Variants in SHLD3 observed in about 807,000 individuals in gnomAD.
SHLD3 encodes shieldin complex subunit 3.
In SHLD3, 15 loss-of-function variants were observed where a neutral mutation model predicts 21.4. The ratio of observed to expected loss-of-function variants is 0.70; its 90% CI spans 0.47 to 1.08. The LOEUF (loss-of-function observed/expected upper bound fraction) is 1.08. SHLD3 is among the 50% of genes least tolerant of loss of function. The pLI, the probability that SHLD3 is intolerant of heterozygous loss-of-function variation, is 0.00. For missense variants in SHLD3, 273 were observed against 286.1 expected, an observed-to-expected ratio of 0.95 and a Z score of 0.33; for synonymous variants, 103 against 97.2, an observed-to-expected ratio of 1.06 and a Z score of -0.35.
chr5:65,628,694 G>A (rs27561), intron 1 of SHLD3, among the ~76,000 whole-genome samples: 32,455 of 151,736 alleles, frequency 0.21, 3,890 homozygotes, highest in Non-Finnish European at 0.27. Flanking sequence ...CTGGTCTCAA[G>A]CTCCTGACCT....
chr5:65,628,152 T>C (rs1442979567), intron 1 of SHLD3, among the ~76,000 whole-genome samples: 2 of 152,202 alleles, frequency 1.3e-5, no homozygotes, highest in African/African-American at 4.8e-5. Context: ...ATGCACCATA[T>C]GCTGGAATTT....
Position 65,630,231 on chromosome 5 carries a change from G to C in SHLD3, c.644G>C (p.Cys215Ser). 1 of 1,535,874 alleles carries C rather than the reference G, an allele frequency of 6.5e-7. No individual in the cohort carries two copies. Reference protein sequence around the residue: ...QRHLGQIWVFCDIMYCEYVGS... With the variant: ...QRHLGQIWVFSDIMYCEYVGS... ...CATTTAGGCCAAATATGGGTGTTCT[G>C]TGATATTATGTATTGTGAATATGTG... Residue 215 changes from cysteine (C) to serine (S), a missense_variant, in exon 2 of 2, where the codon TGT (cysteine) becomes TCT (serine). By Grantham distance (112) the Cys-to-Ser change is moderately radical (BLOSUM62 -1). Coordinates refer to ENST00000510585, the MANE Select transcript of SHLD3 (RefSeq NM_001365341.2).
intron 1 of SHLD3, among the ~76,000 whole-genome samples, chr5:65,628,223 G>A (rs1755339641): frequency 6.6e-6 from 1 of 152,082 alleles, no homozygotes; most frequent in Non-Finnish European, 1.5e-5. Context: ...GAAAAAAATA[G>A]GAGTCTAGAC....
Position 65,630,167 on chromosome 5 carries a change from C to T in SHLD3, c.580C>T (p.His194Tyr), listed in dbSNP as rs1308396124. 6.5e-7 allele frequency: 1 copy of T among 1,535,966 alleles called. No homozygotes were observed. The highest frequency in any genetic ancestry group is 8.7e-7 in the Non-Finnish European group (1 of 1,146,842). The change falls in exon 2 of 2, where the codon CAC becomes TAC. Residue 194 changes from histidine (H) to tyrosine (Y), a missense_variant. Transcript: ENST00000510585. Reference sequence around the variant, plus strand: ...GACAAAACTCAATCAAATTATTAGGCACAATGAACTTCCATCTTGTAATGC... The same window carrying T: ...GACAAAACTCAATCAAATTATTAGGTACAATGAACTTCCATCTTGTAATGC... The part of the protein sequence containing the change: ...IWTKLNQIIR[H>Y]NELPSCNATI...
At position 65,629,600 on chromosome 5, in the gene SHLD3, G is replaced by A; in HGVS notation, c.13G>A (p.Val5Ile). The A allele has an allele frequency of 6.5e-7, 1 of 1,531,668 alleles. No individual in the cohort carries two copies. The highest frequency in any genetic ancestry group is 1.2e-5 in the South Asian group (1 of 83,510). The allele number at this position is 1,531,668 out of a possible 1,614,324, so 94.9% of individuals were successfully genotyped here. A position where few individuals can be genotyped will look rare whatever the true frequency, so the allele number is the denominator to read the frequency against. Residue 5 changes from valine (V) to isoleucine (I), a missense_variant, in exon 2 of 2, where the codon GTA (valine) becomes ATA (isoleucine). Coordinates refer to ENST00000510585, the MANE Select transcript of SHLD3 (RefSeq NM_001365341.2). MTTE[V>I]ILHYRPCESD... ...GGATTACTGCAGAATGACTACAGAA[G>A]TAATATTACATTATCGACCATGTGA... is the stretch of plus-strand genomic sequence containing the variant.
rs1050844903 is a variant in SHLD3 at position 65,625,293 on chromosome 5, GA to G, written c.-121+189del. 4 of 596,438 alleles carry G rather than the reference GA, an allele frequency of 6.7e-6. No individual in the cohort carries two copies. In the African/African-American group the frequency reaches 7.5e-5, roughly 11 times the overall value. The allele number at this position is 596,438 out of a possible 1,614,324, so 36.9% of individuals were successfully genotyped here. On this transcript the variant is annotated intron_variant, in intron 1 of 1. Transcript: ENST00000510585. The stretch of plus-strand genomic sequence containing the variant: ...TTTTAGGTTTATGGGCCCCTTTCTA[GA>G]ACGAAATAGATACCTGGTAAATCGT...
At chr5:65,626,888 A>G (rs1333164306) in intron 1 of SHLD3, among the ~76,000 whole-genome samples, 1 of 152,058 alleles carries the variant, frequency 6.6e-6, no homozygotes, top group Non-Finnish European at 1.5e-5. Flanking sequence ...TCACGCCTGT[A>G]ATAGCACTTT....
At chr5:65,628,003 A>C (rs1755328575) in intron 1 of SHLD3, among the ~76,000 whole-genome samples, 1 of 152,150 alleles carries the variant, frequency 6.6e-6, no homozygotes, top group Non-Finnish European at 1.5e-5. Flanking sequence ...TTCTCTAATG[A>C]TTTTTGGGGA....
chr5:65,625,477 C>T (rs1581200507), intron 1 of SHLD3: 1 of 251,322 alleles, frequency 4.0e-6, no homozygotes, highest in East Asian at 8.9e-5. Context: ...GTTAATCAGG[C>T]TTCAGCTTCC....
At position 65,629,563 on chromosome 5, in the gene SHLD3, C is replaced by A. The variant is rs1392979503; in HGVS notation, c.-25C>A. 6.7e-7 allele frequency: 1 copy of A among 1,495,110 alleles called. No homozygotes were observed. The highest frequency in any genetic ancestry group is 8.9e-7 in the Non-Finnish European group (1 of 1,126,970). The allele number at this position is 1,495,110 out of a possible 1,614,324, so 92.6% of individuals were successfully genotyped here. A position where few individuals can be genotyped will look rare whatever the true frequency, so the allele number is the denominator to read the frequency against. The stretch of plus-strand genomic sequence containing the variant: ...GTTCAACTAAGAAATTTTCTCATCA[C>A]TAAGAGTAACTGGATTACTGCAGAA... On this transcript the variant is annotated 5_prime_UTR_variant, in exon 2 of 2. Coordinates refer to ENST00000510585, the MANE Select transcript of SHLD3 (RefSeq NM_001365341.2).
Position 65,625,031 on chromosome 5 carries a change from G to T in SHLD3, c.-196G>T, listed in dbSNP as rs371229935. ...GGCAAGTTGAACCTGTCCAGCCCCC[G>T]TAGGCTGTGGGTCAAAAGTGCCGGT... is the stretch of plus-strand genomic sequence containing the variant. On this transcript the variant is annotated 5_prime_UTR_variant, in exon 1 of 2. Transcript: ENST00000510585. 448 of 1,606,354 alleles carry T rather than the reference G, an allele frequency of 2.8e-4. No individual in the cohort carries two copies. Among genetic ancestry groups the T allele is most frequent in the Non-Finnish European group, 3.6e-4 (421 of 1,173,112 alleles).
intron 1 of SHLD3, among the ~76,000 whole-genome samples, chr5:65,627,154 A>AAAG (rs1755279654): frequency 6.7e-6 from 1 of 150,264 alleles, no homozygotes; most frequent in Admixed American, 6.6e-5. Flanking sequence ...AAAAAAAAAA[A>AAAG]AAAGAACAAT....
chr5:65,628,142 A>G (rs146335527), intron 1 of SHLD3, among the ~76,000 whole-genome samples: 333 of 152,296 alleles, frequency 2.2e-3, no homozygotes, highest in Middle Eastern at 0.01. Flanking sequence ...TCTTGAGCCT[A>G]TGCACCATAT....
rs1466687463 is a variant in SHLD3, at chr5:65,630,145, A to G, written c.558A>G (p.Thr186=). 1 of 1,535,982 alleles carries G rather than the reference A, an allele frequency of 6.5e-7. No homozygotes were observed. Among genetic ancestry groups the G allele is most frequent in the Non-Finnish European group, 8.7e-7 (1 of 1,146,884 alleles). The change falls in exon 2 of 2, where the codon ACA becomes ACG. Residue 186 remains threonine, a synonymous_variant. Coordinates refer to ENST00000510585, the MANE Select transcript of SHLD3 (RefSeq NM_001365341.2). ...GCCAAACTCTGGAAGACATTTGGAC[A>G]AAACTCAATCAAATTATTAGGCACA... The part of the protein sequence containing the change: ...CNSQTLEDIW[T]KLNQIIRHNE...
rs1755511914 is a variant in SHLD3 at position 65,630,753 on chromosome 5, T to C, written c.*413T>C. ...ATGAATGTAGTTCAAAGTGGGAGAC[T>C]AGTCTAGATTTATAATGATGTTTCC... On this transcript the variant is annotated 3_prime_UTR_variant, in exon 2 of 2. Coordinates refer to ENST00000510585, the MANE Select transcript of SHLD3 (RefSeq NM_001365341.2). 2 of 798,518 alleles carry C rather than the reference T, an allele frequency of 2.5e-6. No individual in the cohort carries two copies. Among genetic ancestry groups the C allele is most frequent in the South Asian group, 5.7e-5 (1 of 17,436 alleles). 49.5% of individuals were successfully genotyped at this position (798,518 alleles called of 1,614,324 possible).
rs1163207501 is a variant in SHLD3 at position 65,630,531 on chromosome 5, C to T, written c.*191C>T. 3 of 1,278,962 alleles carry T rather than the reference C, an allele frequency of 2.3e-6. No homozygotes were observed. Among genetic ancestry groups the T allele is most frequent in the Non-Finnish European group, 3.0e-6 (3 of 1,014,944 alleles). 79.2% of individuals were successfully genotyped at this position (1,278,962 alleles called of 1,614,324 possible). A position where few individuals can be genotyped will look rare whatever the true frequency, so the allele number is the denominator to read the frequency against. On this transcript the variant is annotated 3_prime_UTR_variant, in exon 2 of 2. Coordinates refer to ENST00000510585, the MANE Select transcript of SHLD3 (RefSeq NM_001365341.2). The stretch of plus-strand genomic sequence containing the variant: ...TTTAAATGTGATAAATTATTGTTTA[C>T]ACTGAATTTGAAGGTAAAAATGTTC...
At chr5:65,625,296 C>T (rs529894513) in intron 1 of SHLD3, 190 bp downstream of exon 1, 18 of 594,190 alleles carry the variant, frequency 3.0e-5, no homozygotes, top group African/African-American at 2.8e-4. Context: ...CTTTCTAGAA[C>T]GAAATAGATA....
At chr5:65,625,291 T>C (rs933703664) in intron 1 of SHLD3, 185 bp downstream of exon 1, 2 of 596,936 alleles carry the variant, frequency 3.4e-6, no homozygotes, top group African/African-American at 1.9e-5. Context: ...GGCCCCTTTC[T>C]AGAACGAAAT....
intron 1 of SHLD3, chr5:65,625,338 C>T: frequency 2.2e-6 from 1 of 452,470 alleles, no homozygotes; most frequent in South Asian, 4.1e-5. Flanking sequence ...ATCTGTGCTG[C>T]TTCAGTCACG....
Sources: allele counts gnomAD v4.1 joint callset (sites outside exome capture counted in the v4.1 genomes callset), GRCh38; gene constraint gnomAD v4.1.1; transcripts MANE v1.5; gene names NCBI Gene and HGNC (gene_info 2026-07-23, HGNC 2026-07-21).